The following BCKDHB variants were observed in gnomAD, a reference collection of about 807,000 sequenced individuals.
The protein encoded by BCKDHB is 2-oxoisovalerate dehydrogenase subunit beta, mitochondrial.
A neutral mutation model predicts 48.5 loss-of-function variants in BCKDHB; 41 were observed. The observed-to-expected ratio is 0.85, with a 90% CI of 0.66 to 1.10. The LOEUF (loss-of-function observed/expected upper bound fraction) is 1.10, where lower values mean the gene tolerates loss of function less well. BCKDHB is among the 50% of genes least tolerant of loss of function. The pLI, the probability that BCKDHB is intolerant of heterozygous loss-of-function variation, is 0.00. For missense variants in BCKDHB, 496 were observed against 494.2 expected (o/e 1.00, Z -0.03); for synonymous variants, 201 against 174.8 (o/e 1.15, Z -1.18).
chr6:80,357,947 T>C, the BCKDHB span, among the ~76,000 whole-genome samples: 3 of 152,308 alleles, frequency 2.0e-5, no homozygotes, highest in East Asian at 5.8e-4. Context: ...TTAGAAAGTA[T>C]TCATGAGAAG....
At chr6:80,300,776 A>C (rs1052968121) in intron 9 of BCKDHB, among the ~76,000 whole-genome samples, 2 of 152,234 alleles carry the variant, frequency 1.3e-5, no homozygotes, top group African/African-American at 4.8e-5. Flanking sequence ...AATCTTAATA[A>C]ATTTAAAAAC....
intron 8 of BCKDHB, among the ~76,000 whole-genome samples, chr6:80,204,267 G>T (rs907400199): frequency 4.6e-5 from 7 of 152,046 alleles, no homozygotes; most frequent in Admixed American, 1.3e-4. Flanking sequence ...GAAGATGTAA[G>T]ATTTGTTATA....
intron 8 of BCKDHB, among the ~76,000 whole-genome samples, chr6:80,269,369 C>G (rs1193187088): frequency 6.6e-6 from 1 of 152,132 alleles, no homozygotes; most frequent in Non-Finnish European, 1.5e-5. Flanking sequence ...GGTGAGAAAA[C>G]TGCGAGCCTT....
chr6:80,199,776 A>G (rs1211732366), intron 6 of BCKDHB, among the ~76,000 whole-genome samples: 11 of 143,912 alleles, frequency 7.6e-5, no homozygotes, highest in African/African-American at 2.8e-4. Context: ...TGTCTCAAAA[A>G]AAAAAAAAAA....
At chr6:80,173,917 A>G (rs1050869461) in intron 6 of BCKDHB, among the ~76,000 whole-genome samples, 6 of 151,568 alleles carry the variant, frequency 4.0e-5, no homozygotes, top group African/African-American at 4.9e-5. Flanking sequence ...TTGGAATGAT[A>G]TAAAAGGAAT....
chr6:80,292,445 C>T (rs895822891), intron 9 of BCKDHB, among the ~76,000 whole-genome samples: 2 of 151,512 alleles, frequency 1.3e-5, no homozygotes, highest in Non-Finnish European at 2.9e-5. Flanking sequence ...CATCAGATCG[C>T]GTGAGACTTA....
chr6:80,409,691 C>G, the BCKDHB span, among the ~76,000 whole-genome samples: 1 of 139,732 alleles, frequency 7.2e-6, no homozygotes, highest in South Asian at 2.4e-4. Context: ...CCTTCTTTGT[C>G]TCTTTTGACT....
At chr6:80,409,751 C>A in the BCKDHB span, among the ~76,000 whole-genome samples, 388 of 151,064 alleles carry the variant, frequency 2.6e-3, 4 homozygotes, top group African/African-American at 8.9e-3. Context: ...GCAACCCCTG[C>A]TGCTTTTTGC....
chr6:80,189,128 C>A (rs958548194), intron 6 of BCKDHB, among the ~76,000 whole-genome samples: 1 of 152,134 alleles, frequency 6.6e-6, no homozygotes, highest in Non-Finnish European at 1.5e-5. Context: ...TATTTACTTA[C>A]ATTTAATAAA....
At chr6:80,138,137 G>A (rs1411721697) in intron 3 of BCKDHB, among the ~76,000 whole-genome samples, 1 of 151,990 alleles carries the variant, frequency 6.6e-6, no homozygotes, top group African/African-American at 2.4e-5. Flanking sequence ...ATGTAATGTG[G>A]ACACTGAAAT....
intron 8 of BCKDHB, among the ~76,000 whole-genome samples, chr6:80,239,686 G>A (rs1024020207): frequency 2.1e-4 from 32 of 152,132 alleles, no homozygotes; most frequent in East Asian, 1.9e-4. Flanking sequence ...CCATGCCTAC[G>A]TCCTGAATAG....
At chr6:80,318,794 A>G (rs1768571889) in intron 9 of BCKDHB, among the ~76,000 whole-genome samples, 2 of 152,054 alleles carry the variant, frequency 1.3e-5, no homozygotes, top group Non-Finnish European at 2.9e-5. Flanking sequence ...TGTAACAATC[A>G]TTTACATCAT....
At chr6:80,191,103 A>G (rs1229696034) in intron 6 of BCKDHB, among the ~76,000 whole-genome samples, 1 of 152,018 alleles carries the variant, frequency 6.6e-6, no homozygotes, top group East Asian at 1.9e-4. Flanking sequence ...ACCATTTGTT[A>G]CTCTAGCCCT....
chr6:80,364,015 A>G, the BCKDHB span, among the ~76,000 whole-genome samples: 1 of 152,236 alleles, frequency 6.6e-6, no homozygotes, highest in South Asian at 2.1e-4. Context: ...AGTGGGGTAA[A>G]AGTTGCTAAC....
downstream of BCKDHB, among the ~76,000 whole-genome samples, chr6:80,350,351 G>A (rs866576360): frequency 7.4e-5 from 11 of 149,424 alleles, no homozygotes; most frequent in South Asian, 2.3e-3. Flanking sequence ...TTCCAAATGA[G>A]AAAAAACTAA....
chr6:80,199,851 C>G (rs1290621622), intron 6 of BCKDHB, among the ~76,000 whole-genome samples: 1 of 144,122 alleles, frequency 6.9e-6, no homozygotes, highest in Non-Finnish European at 1.5e-5. Flanking sequence ...GTGGGTGGAT[C>G]ATTTGAGGTC....
intron 6 of BCKDHB, among the ~76,000 whole-genome samples, chr6:80,174,583 C>T (rs1773066675): frequency 6.6e-6 from 1 of 152,256 alleles, no homozygotes; most frequent in South Asian, 2.1e-4. Context: ...CCAGTTCAAA[C>T]TGTGTTGTTC....
At chr6:80,114,571 A>G (rs1582163559) in intron 1 of BCKDHB, among the ~76,000 whole-genome samples, 2 of 152,202 alleles carry the variant, frequency 1.3e-5, no homozygotes, top group Middle Eastern at 6.8e-3. Flanking sequence ...TTTAAGCTAT[A>G]TTTTGGAAGT....
At chr6:80,265,393 A>G (rs369518949) in intron 8 of BCKDHB, among the ~76,000 whole-genome samples, 1 of 152,248 alleles carries the variant, frequency 6.6e-6, no homozygotes, top group South Asian at 2.1e-4. Context: ...ATTTTGACAC[A>G]TGATACAGCA....
Sources: allele counts gnomAD v4.1 joint callset (sites outside exome capture counted in the v4.1 genomes callset), GRCh38; gene constraint gnomAD v4.1.1; transcripts MANE v1.5; gene names NCBI Gene and HGNC (gene_info 2026-07-23, HGNC 2026-07-21).